CNTNAP5: variants seen among roughly 807,000 people sequenced by gnomAD.
CNTNAP5 encodes contactin-associated protein-like 5.
Under a neutral mutation model 150.2 loss-of-function variants are expected in CNTNAP5, and 72 were observed. That is an observed-to-expected ratio of 0.48 (90% CI 0.40 to 0.58). The LOEUF (loss-of-function observed/expected upper bound fraction) is 0.58, where lower values mean the gene tolerates loss of function less well. Ranked by LOEUF, CNTNAP5 falls within the 20% of genes least tolerant of loss-of-function variation. CNTNAP5 has a pLI of 0.00. For synonymous variants in CNTNAP5, 672 were observed against 619.8 expected (o/e 1.08, Z -1.25); for missense variants, 1,636 against 1,626.2 (o/e 1.01, Z -0.10).
At chr2:124,892,772 T>C (rs1037641409) in intron 21 of CNTNAP5, among the ~76,000 whole-genome samples, 6 of 152,176 alleles carry the variant, frequency 3.9e-5, no homozygotes, top group Admixed American at 3.9e-4. Flanking sequence ...ATTTGTGGTG[T>C]GATTTGAAGC....
At chr2:124,624,937 T>A (rs995988361) in intron 12 of CNTNAP5, among the ~76,000 whole-genome samples, 1 of 152,168 alleles carries the variant, frequency 6.6e-6, no homozygotes, top group Non-Finnish European at 1.5e-5. Context: ...TTCTTAGCAA[T>A]CCATGTTACA....
intron 12 of CNTNAP5, among the ~76,000 whole-genome samples, chr2:124,619,428 T>G (rs1677562697): frequency 6.6e-6 from 1 of 152,064 alleles, no homozygotes; most frequent in Non-Finnish European, 1.5e-5. Context: ...GAAGCTTGGG[T>G]TGATAAAACA....
intron 13 of CNTNAP5, among the ~76,000 whole-genome samples, chr2:124,666,501 G>A (rs1248540479): frequency 2.6e-5 from 4 of 152,224 alleles, no homozygotes; most frequent in Middle Eastern, 6.8e-3. Context: ...CTGGTCAGCT[G>A]TGCCTAAACT....
intron 13 of CNTNAP5, among the ~76,000 whole-genome samples, chr2:124,702,104 C>T (rs1447744006): frequency 1.3e-5 from 2 of 151,824 alleles, no homozygotes; most frequent in East Asian, 3.9e-4. Flanking sequence ...CCTCCTTCTC[C>T]TTAAACTTCA....
rs565959745 is a variant in CNTNAP5, at chr2:124,112,458, G to A, written c.82+86726G>A. Among the ~76,000 whole-genome samples, 5 of 152,290 alleles carry A rather than the reference G, an allele frequency of 3.3e-5. No individual in the cohort carries two copies. In the South Asian group the frequency reaches 1.0e-3, roughly 32 times the overall value. ...CTCCTCTTAGATAGGATGGCTGTTA[G>A]TTTCTGTTCTGTTTCTCTTATAGGC... On this transcript the variant is annotated intron_variant, in intron 1 of 23. Coordinates refer to ENST00000682447, the MANE Select transcript of CNTNAP5 (RefSeq NM_001367498.1).
chr2:124,903,726 T>C (rs997432263), intron 22 of CNTNAP5, among the ~76,000 whole-genome samples: 19 of 152,134 alleles, frequency 1.2e-4, no homozygotes, highest in Non-Finnish European at 2.6e-4. Context: ...CAATACAGTA[T>C]GAATAACTGT....
intron 1 of CNTNAP5, among the ~76,000 whole-genome samples, chr2:124,054,984 G>A (rs991987516): frequency 3.3e-5 from 5 of 152,138 alleles, no homozygotes; most frequent in Non-Finnish European, 5.9e-5. Flanking sequence ...TTGAACTGGA[G>A]CCAAATGGGT....
chr2:124,718,889 G>A (rs946603753), intron 13 of CNTNAP5, among the ~76,000 whole-genome samples: 11 of 150,660 alleles, frequency 7.3e-5, no homozygotes, highest in Non-Finnish European at 2.9e-5. Context: ...TGGTTGCAGT[G>A]AGCCGGGATT....
At chr2:124,869,863 G>A (rs1035666472) in intron 21 of CNTNAP5, 101 bp downstream of exon 21, 2 of 642,802 alleles carry the variant, frequency 3.1e-6, no homozygotes, top group Non-Finnish European at 5.3e-6. Flanking sequence ...GGAGCCTTTT[G>A]CTCCCATAAT....
At chr2:124,529,471 G>A (rs1293822780) in intron 10 of CNTNAP5, among the ~76,000 whole-genome samples, 1 of 152,182 alleles carries the variant, frequency 6.6e-6, no homozygotes, top group Non-Finnish European at 1.5e-5. Context: ...TCGTGAGTAA[G>A]TGGTAAGTTT....
chr2:124,373,930 TATG>T (rs1475704618), intron 3 of CNTNAP5, among the ~76,000 whole-genome samples: 3 of 152,082 alleles, frequency 2.0e-5, no homozygotes, highest in African/African-American at 7.2e-5. Flanking sequence ...ACATTCATTT[TATG>T]ATATGTTAAG....
chr2:124,309,279 G>A (rs1688766262), intron 3 of CNTNAP5, among the ~76,000 whole-genome samples: 1 of 152,148 alleles, frequency 6.6e-6, no homozygotes, highest in Non-Finnish European at 1.5e-5. Flanking sequence ...AACTGGATGG[G>A]AGGGATGACT....
intron 3 of CNTNAP5, among the ~76,000 whole-genome samples, chr2:124,406,280 A>C (rs1187581722): frequency 1.3e-5 from 2 of 152,180 alleles, no homozygotes; most frequent in African/African-American, 4.8e-5. Flanking sequence ...CTAATGTATA[A>C]TCTGTAGTTG....
chr2:124,138,750 G>T (rs986364655), intron 1 of CNTNAP5, among the ~76,000 whole-genome samples: 2 of 151,998 alleles, frequency 1.3e-5, no homozygotes, highest in African/African-American at 4.8e-5. Context: ...TATTTGTCTA[G>T]AATCTCCGAA....
At chr2:124,582,803 G>A (rs77449264) in intron 11 of CNTNAP5, among the ~76,000 whole-genome samples, 2,273 of 152,200 alleles carry the variant, frequency 0.015, 50 homozygotes, top group African/African-American at 0.052. Context: ...ACAACATAAT[G>A]TTTTAATTAA....
chr2:124,034,386 C>T (rs1681152736), intron 1 of CNTNAP5, among the ~76,000 whole-genome samples: 2 of 152,188 alleles, frequency 1.3e-5, no homozygotes, highest in Non-Finnish European at 2.9e-5. Context: ...TGGCCCACTT[C>T]CCCTTCATCT....
At chr2:124,658,367 A>G (rs1315988921) in intron 13 of CNTNAP5, among the ~76,000 whole-genome samples, 1 of 152,076 alleles carries the variant, frequency 6.6e-6, no homozygotes, top group African/African-American at 2.4e-5. Context: ...ATGTTCTCTG[A>G]GTGTCCTTTT....
At chr2:124,618,256 GA>G (rs1175354270) in intron 12 of CNTNAP5, among the ~76,000 whole-genome samples, 1 of 151,572 alleles carries the variant, frequency 6.6e-6, no homozygotes. Context: ...AGCTGGCCCT[GA>G]AAAAAATTAA....
chr2:124,598,792 C>A (rs1434225595), intron 11 of CNTNAP5, among the ~76,000 whole-genome samples: 3 of 152,162 alleles, frequency 2.0e-5, no homozygotes, highest in Non-Finnish European at 2.9e-5. Context: ...TAGCAATCAG[C>A]GAGATTCCGT....
Sources: gnomAD v4.1 joint callset for allele counts (sites outside exome capture counted in the v4.1 genomes callset) on GRCh38, gnomAD v4.1.1 for gene constraint, MANE v1.5 for transcripts, NCBI Gene and HGNC (gene_info 2026-07-23, HGNC 2026-07-21) for gene names.